Variants in CCDC171 observed in about 807,000 individuals in gnomAD.
CCDC171 encodes the protein coiled-coil domain containing 171, also known as coiled-coil domain-containing protein 171.
CCDC171 carries 177 observed loss-of-function variants against 168.2 expected under a neutral mutation model. The observed-to-expected ratio is 1.05, with a 90% CI of 0.93 to 1.19. The LOEUF (loss-of-function observed/expected upper bound fraction) is 1.19, where lower values mean the gene tolerates loss of function less well. Ranked by LOEUF, CCDC171 falls within the 50% of genes most tolerant of loss-of-function variation. The probability of loss-of-function intolerance (pLI) is 0.00; values close to 1 mark genes in which losing one functional copy is unlikely to be tolerated. For synonymous variants in CCDC171, 687 were observed against 540.8 expected (o/e 1.27, Z -3.75); for missense variants, 1,991 against 1,539.0 (o/e 1.29, Z -4.91).
At chr9:15,569,067 C>T (rs529527463) in intron 2 of CCDC171, among the ~76,000 whole-genome samples, 1 of 152,294 alleles carries the variant, frequency 6.6e-6, no homozygotes, top group East Asian at 1.9e-4. Context: ...CTATTTATTT[C>T]TCTCTAGACT....
At chr9:15,699,684 C>G (rs571654616) in intron 11 of CCDC171, among the ~76,000 whole-genome samples, 1 of 152,236 alleles carries the variant, frequency 6.6e-6, no homozygotes, top group East Asian at 1.9e-4. Context: ...AAACACTGAG[C>G]TAGACACGGG....
intron 23 of CCDC171, among the ~76,000 whole-genome samples, chr9:15,853,150 A>G (rs7860354): frequency 0.75 from 113,714 of 151,470 alleles, 44,394 homozygotes; most frequent in East Asian, 0.89. Flanking sequence ...TGTTGAATTT[A>G]TAGATCAATT....
At chr9:15,559,455 C>T (rs1320823317) in intron 1 of CCDC171, among the ~76,000 whole-genome samples, 1 of 152,160 alleles carries the variant, frequency 6.6e-6, no homozygotes, top group East Asian at 1.9e-4. Context: ...GTTAGCTCTT[C>T]TTGTTGAACT....
intron 7 of CCDC171, among the ~76,000 whole-genome samples, chr9:15,636,605 C>G (rs114114749): frequency 6.6e-6 from 1 of 151,612 alleles, no homozygotes; most frequent in Non-Finnish European, 1.5e-5. Context: ...AAAACTTAGC[C>G]AAACATGGTG....
intron 2 of CCDC171, among the ~76,000 whole-genome samples, chr9:15,569,626 T>G (rs895357401): frequency 2.0e-5 from 3 of 151,770 alleles, no homozygotes; most frequent in Non-Finnish European, 2.9e-5. Flanking sequence ...CCATCCTGGC[T>G]AACACGGTGA....
chr9:15,559,347 A>G (rs1297822042), intron 1 of CCDC171, among the ~76,000 whole-genome samples: 1 of 151,870 alleles, frequency 6.6e-6, no homozygotes, highest in Non-Finnish European at 1.5e-5. Flanking sequence ...AAAGTCTCCC[A>G]TTATTATTGT....
At chr9:16,079,511 C>T in the CCDC171 span, among the ~76,000 whole-genome samples, 11 of 152,186 alleles carry the variant, frequency 7.2e-5, no homozygotes, top group African/African-American at 2.2e-4. Context: ...AATCAAAGAG[C>T]ACCAAAGATT....
chr9:15,777,583 T>C lies in CCDC171; in HGVS notation c.2672-17T>C. On this transcript the variant is annotated splice_polypyrimidine_tract_variant and intron_variant, in intron 18 of 25. Transcript: ENST00000380701. ...GACAATTCACATTTTTGTGCCTTTT[T>C]TTCTTTTTCTTTGAAGATCCAAATT... 1 of 1,553,972 alleles carries C rather than the reference T, an allele frequency of 6.4e-7. No individual in the cohort carries two copies. Among genetic ancestry groups the C allele is most frequent in the Admixed American group, 1.8e-5 (1 of 55,412 alleles).
intron 9 of CCDC171, among the ~76,000 whole-genome samples, chr9:15,669,288 A>G (rs1036288324): frequency 6.6e-6 from 1 of 152,172 alleles, no homozygotes; most frequent in Non-Finnish European, 1.5e-5. Context: ...TATGAAACCA[A>G]AGCTTTTCAA....
At chr9:16,095,267 C>A in the CCDC171 span, among the ~76,000 whole-genome samples, 1 of 152,168 alleles carries the variant, frequency 6.6e-6, no homozygotes, top group South Asian at 2.1e-4. Context: ...AGGACACAAT[C>A]GCCTTCGGTG....
intron 24 of CCDC171, among the ~76,000 whole-genome samples, chr9:15,897,804 A>C (rs749317661): frequency 4.6e-5 from 7 of 152,186 alleles, no homozygotes; most frequent in Non-Finnish European, 7.3e-5. Context: ...AAGTCTACTG[A>C]TTTCACTGAG....
At chr9:15,677,853 A>AGG in intron 9 of CCDC171, among the ~76,000 whole-genome samples, 1 of 66,992 alleles carries the variant, frequency 1.5e-5, no homozygotes, top group Non-Finnish European at 2.8e-5. Flanking sequence ...GTGTGTGTGT[A>AGG]TGTATATATA....
intron 25 of CCDC171, among the ~76,000 whole-genome samples, chr9:15,949,181 T>C (rs1343249350): frequency 6.6e-6 from 1 of 152,146 alleles, no homozygotes; most frequent in Non-Finnish European, 1.5e-5. Flanking sequence ...CATTGATCTA[T>C]ATCTCAGTTT....
At chr9:16,051,835 A>T (rs1257364200) in intron 1 of CCDC171, among the ~76,000 whole-genome samples, 1 of 152,236 alleles carries the variant, frequency 6.6e-6, no homozygotes, top group East Asian at 1.9e-4. Flanking sequence ...TGGGTAATTT[A>T]TAAAGGAAAG....
At chr9:15,812,181 A>G (rs916832363) in intron 21 of CCDC171, among the ~76,000 whole-genome samples, 2 of 152,224 alleles carry the variant, frequency 1.3e-5, no homozygotes, top group African/African-American at 4.8e-5. Flanking sequence ...GAAGAAGTCC[A>G]TTAAGACTCA....
At chr9:15,728,062 C>T (rs2053927785) in intron 15 of CCDC171, 26 bp downstream of exon 15, 1 of 1,575,386 alleles carries the variant, frequency 6.3e-7, no homozygotes, top group Non-Finnish European at 8.7e-7. Flanking sequence ...CACCAGATAC[C>T]TCTATTAAAT....
chr9:15,649,969 A>G (rs2132751605), intron 7 of CCDC171, among the ~76,000 whole-genome samples: 1 of 152,276 alleles, frequency 6.6e-6, no homozygotes, highest in Admixed American at 6.5e-5. Flanking sequence ...TTGCGGCACT[A>G]TTCACAATAG....
In CCDC171 at chr9:15,949,419, G is replaced by A. The variant is rs1365248703; in HGVS notation, c.3754-22190G>A. On this transcript the variant is annotated intron_variant, in intron 25 of 25. Coordinates refer to ENST00000380701, the MANE Select transcript of CCDC171 (RefSeq NM_173550.4). Reference sequence around the variant, plus strand: ...TCTCTAAATTACCTTGGGCAGTATGGCCATTTTCACGATATTGATTCTTCC... The same window carrying A: ...TCTCTAAATTACCTTGGGCAGTATGACCATTTTCACGATATTGATTCTTCC... Among the ~76,000 whole-genome samples, 6 of 152,244 alleles carry A rather than the reference G, an allele frequency of 3.9e-5. No homozygotes were observed. The East Asian group carries it at 1.2e-3, about 29-fold the overall frequency.
intron 4 of CCDC171, chr9:15,587,519 G>A (rs1409056858): frequency 2.6e-6 from 1 of 383,664 alleles, no homozygotes; most frequent in African/African-American, 2.1e-5. Context: ...TCTTTCTTTT[G>A]TAAATTGCCC....
Sources: allele counts gnomAD v4.1 joint callset (sites outside exome capture counted in the v4.1 genomes callset), GRCh38; gene constraint gnomAD v4.1.1; transcripts MANE v1.5; gene names NCBI Gene and HGNC (gene_info 2026-07-23, HGNC 2026-07-21).